Variants in MAMDC2 observed in about 807,000 individuals in gnomAD.
MAMDC2 encodes MAM domain-containing protein 2.
Under a neutral mutation model 89.8 loss-of-function variants are expected in MAMDC2, and 57 were observed. The ratio of observed to expected loss-of-function variants is 0.63; its 90% CI spans 0.51 to 0.79. The LOEUF (loss-of-function observed/expected upper bound fraction) is 0.79. Ranked by LOEUF, MAMDC2 falls within the 30% of genes least tolerant of loss-of-function variation. MAMDC2 has a pLI of 0.00. For synonymous variants in MAMDC2, 313 were observed against 293.4 expected, an observed-to-expected ratio of 1.07 and a Z score of -0.68; for missense variants, 800 against 820.6, an observed-to-expected ratio of 0.97 and a Z score of 0.31.
Position 70,044,730 on chromosome 9 carries a change from G to A in MAMDC2, c.148+33G>A, listed in dbSNP as rs1037560360. 5.5e-6 allele frequency: 8 copies of A among 1,465,330 alleles called. No homozygotes were observed. The African/African-American group carries it at 1.1e-4, about 21-fold the overall frequency. The allele number at this position is 1,465,330 out of a possible 1,614,324, so 90.8% of individuals were successfully genotyped here. On this transcript the variant is annotated intron_variant, in intron 2 of 13. Transcript: ENST00000377182. The stretch of plus-strand genomic sequence containing the variant: ...GGCTCGGTGGAGAGGGGCGCGAAGT[G>A]AACTTTCTTCCTTGATGGCTTGCTT...
intron 2 of MAMDC2, among the ~76,000 whole-genome samples, chr9:70,057,500 G>C (rs895796730): frequency 6.6e-6 from 1 of 152,088 alleles, no homozygotes; most frequent in Admixed American, 6.5e-5. Flanking sequence ...AGATGAAAAG[G>C]GTGCAAAATG....
At chr9:70,197,892 G>A (rs1344040292) in intron 11 of MAMDC2, among the ~76,000 whole-genome samples, 2 of 151,926 alleles carry the variant, frequency 1.3e-5, no homozygotes, top group South Asian at 2.1e-4. Flanking sequence ...GTAGCCTAAC[G>A]CTACTTTACA....
chr9:70,215,890 AATAAAC>A (rs2033437087), intron 11 of MAMDC2, among the ~76,000 whole-genome samples: 1 of 152,190 alleles, frequency 6.6e-6, no homozygotes, highest in African/African-American at 2.4e-5. Context: ...CCACTGTTTT[AATAAAC>A]TTATAGAACT....
At chr9:70,191,645 A>G (rs1463988327) in intron 11 of MAMDC2, among the ~76,000 whole-genome samples, 1 of 152,118 alleles carries the variant, frequency 6.6e-6, no homozygotes, top group Non-Finnish European at 1.5e-5. Context: ...AAGTCACCTC[A>G]GTCCAATCAG....
intron 2 of MAMDC2, chr9:70,081,353 G>A (rs1827649925): frequency 6.6e-6 from 1 of 152,162 alleles, no homozygotes; most frequent in East Asian, 1.9e-4. Flanking sequence ...ATCTGTGAGT[G>A]GAGAGCTGAC....
At chr9:70,125,016 T>G (rs1232034967) in intron 5 of MAMDC2, among the ~76,000 whole-genome samples, 2 of 152,240 alleles carry the variant, frequency 1.3e-5, no homozygotes, top group African/African-American at 4.8e-5. Context: ...TGGCCAGGAA[T>G]TCTTATTAAC....
chr9:70,194,697 T>A (rs1210322657), intron 11 of MAMDC2: 1 of 152,166 alleles, frequency 6.6e-6, no homozygotes, highest in Admixed American at 6.6e-5. Context: ...AAGAATAATA[T>A]GTAAGCTCCA....
chr9:70,213,196 T>C (rs1163860925), intron 11 of MAMDC2, among the ~76,000 whole-genome samples: 1 of 152,204 alleles, frequency 6.6e-6, no homozygotes, highest in African/African-American at 2.4e-5. Flanking sequence ...ATCTCTCTCA[T>C]GATGAATTCA....
intron 11 of MAMDC2, among the ~76,000 whole-genome samples, chr9:70,177,778 T>C (rs773012010): frequency 1.3e-5 from 2 of 152,120 alleles, no homozygotes; most frequent in Non-Finnish European, 2.9e-5. Flanking sequence ...TCACTAGGGT[T>C]TCCAAACCTA....
At chr9:70,177,781 C>T (rs967022646) in intron 11 of MAMDC2, among the ~76,000 whole-genome samples, 1 of 152,108 alleles carries the variant, frequency 6.6e-6, no homozygotes, top group Non-Finnish European at 1.5e-5. Flanking sequence ...CTAGGGTTTC[C>T]AAACCTACAT....
At chr9:70,154,511 A>G (rs1328969639) in intron 9 of MAMDC2, among the ~76,000 whole-genome samples, 1 of 148,614 alleles carries the variant, frequency 6.7e-6, no homozygotes, top group Non-Finnish European at 1.5e-5. Flanking sequence ...TGGTATGCTG[A>G]GTCCGATTTG....
chr9:70,124,302 C>T (rs760517586), intron 5 of MAMDC2, among the ~76,000 whole-genome samples: 1 of 152,236 alleles, frequency 6.6e-6, no homozygotes, highest in Non-Finnish European at 1.5e-5. Context: ...TAATTTACCA[C>T]TCTCTATTTT....
In MAMDC2 at chr9:70,044,081, C is replaced by T; in HGVS notation, c.-117C>T. ...GAGCGCAAGCTTTGCCTCTCGACTT[C>T]TCCCTCCTTGGGTCCCCGGCGCCCC... On this transcript the variant is annotated 5_prime_UTR_variant, in exon 1 of 14. Coordinates refer to ENST00000377182, the MANE Select transcript of MAMDC2 (RefSeq NM_153267.5). The T allele has an allele frequency of 8.0e-7, 1 of 1,252,108 alleles. No individual in the cohort carries two copies. Among genetic ancestry groups the T allele is most frequent in the Non-Finnish European group, 1.1e-6 (1 of 872,466 alleles). The allele number at this position is 1,252,108 out of a possible 1,614,324, so 77.6% of individuals were successfully genotyped here. A position where few individuals can be genotyped will look rare whatever the true frequency, so the allele number is the denominator to read the frequency against.
At position 70,168,685 on chromosome 9, in the gene MAMDC2, A is replaced by AT. The variant is rs780074879; in HGVS notation, c.1405-12dup. 1.2e-6 allele frequency: 2 copies of AT among 1,605,966 alleles called. No individual in the cohort carries two copies. The highest frequency in any genetic ancestry group is 1.1e-5 in the South Asian group (1 of 90,816). On this transcript the variant is annotated splice_polypyrimidine_tract_variant and intron_variant, in intron 9 of 13. Transcript: ENST00000377182. ...TTCAGTTAACAGAATTCATAGCTTT[A>AT]TTTTTATGAATTTCAGGTGGTTTTC...
At chr9:70,047,693 G>A (rs1360494841) in intron 2 of MAMDC2, among the ~76,000 whole-genome samples, 2 of 152,154 alleles carry the variant, frequency 1.3e-5, no homozygotes, top group African/African-American at 4.8e-5. Context: ...ATATGTCCAT[G>A]GTCCGTAGGT....
At chr9:70,189,966 ACT>A (rs753572957) in intron 11 of MAMDC2, among the ~76,000 whole-genome samples, 5 of 151,952 alleles carry the variant, frequency 3.3e-5, no homozygotes, top group Non-Finnish European at 5.9e-5. Context: ...TATTAATGAT[ACT>A]CTCTATGCAT....
chr9:70,124,104 G>A (rs564603750), intron 5 of MAMDC2, among the ~76,000 whole-genome samples: 2 of 152,298 alleles, frequency 1.3e-5, no homozygotes, highest in South Asian at 2.1e-4. Context: ...CCGGGCATCC[G>A]CTGCAGTAGA....
rs1285360886 is a variant in MAMDC2 at position 70,218,509 on chromosome 9, A to G, written c.1824A>G (p.Glu608=). The change falls in exon 12 of 14, where the codon GAA becomes GAG. Residue 608 remains glutamate, a synonymous_variant. Transcript: ENST00000377182. ...ATCTGAAAAAGGAAGAAGACAGTGAAGAGTCCCTCTTATGGAGGAGAAGAG... is the reference window on the plus strand; with the variant it reads ...ATCTGAAAAAGGAAGAAGACAGTGAGGAGTCCCTCTTATGGAGGAGAAGAG... ...SVYLKKEEDS[E]ESLLWRRRGE... is the part of the protein sequence containing the mutation. The G allele has an allele frequency of 6.2e-7, 1 of 1,614,212 alleles. No individual in the cohort carries two copies. The highest frequency in any genetic ancestry group is 2.2e-5 in the East Asian group (1 of 44,884).
chr9:70,195,805 C>G (rs2032964120), intron 11 of MAMDC2, among the ~76,000 whole-genome samples: 1 of 152,036 alleles, frequency 6.6e-6, no homozygotes. Context: ...CAAAGAGAAA[C>G]CATAAAGTGC....
Sources: gnomAD v4.1 joint callset for allele counts (sites outside exome capture counted in the v4.1 genomes callset) on GRCh38, gnomAD v4.1.1 for gene constraint, MANE v1.5 for transcripts, NCBI Gene and HGNC (gene_info 2026-07-23, HGNC 2026-07-21) for gene names.